Variants in LINGO2 observed in about 807,000 individuals in gnomAD.
The protein encoded by LINGO2 is leucine-rich repeat and immunoglobulin-like domain-containing nogo receptor-interacting protein 2.
Under a neutral mutation model 30.6 loss-of-function variants are expected in LINGO2, and 14 were observed. That is an observed-to-expected ratio of 0.46 (90% confidence interval 0.30 to 0.72). The LOEUF (loss-of-function observed/expected upper bound fraction) is 0.72. Ranked by LOEUF, LINGO2 falls within the 30% of genes least tolerant of loss-of-function variation. LINGO2 has a pLI of 0.07. For missense variants in LINGO2, 729 were observed against 751.7 expected (o/e 0.97, Z 0.35); for synonymous variants, 317 against 288.5 (o/e 1.10, Z -1.00).
chr9:28,004,093 A>G (rs747807432), intron 5 of LINGO2, among the ~76,000 whole-genome samples: 2 of 152,186 alleles, frequency 1.3e-5, no homozygotes, highest in Non-Finnish European at 2.9e-5. Flanking sequence ...GAGAATTATA[A>G]TTTGTACGAT....
At chr9:28,060,993 C>T (rs1008074284) in intron 4 of LINGO2, among the ~76,000 whole-genome samples, 2 of 151,990 alleles carry the variant, frequency 1.3e-5, no homozygotes, top group East Asian at 3.9e-4. Flanking sequence ...AGAGGCTTTT[C>T]TTCCTCTCCC....
chr9:28,980,486 G>A, the LINGO2 span, among the ~76,000 whole-genome samples: 3 of 152,034 alleles, frequency 2.0e-5, no homozygotes, highest in Non-Finnish European at 2.9e-5. Context: ...CACCTTCCAC[G>A]ACGTCTCTGG....
At chr9:28,424,399 C>T (rs1023352640) in intron 2 of LINGO2, among the ~76,000 whole-genome samples, 9 of 152,098 alleles carry the variant, frequency 5.9e-5, no homozygotes, top group Non-Finnish European at 1.0e-4. Context: ...ACCGAGGTAC[C>T]GTAGCCAATA....
In LINGO2 at chr9:28,613,686, G is replaced by T. The variant is rs115152055; in HGVS notation, c.-365+56514C>A. On this transcript the variant is annotated intron_variant, in intron 1 of 5. Transcript: ENST00000379992. ...AGTGGGAATATACTCACACAAGGGG[G>T]TAAGGCATAAAGTAGTATAAGAACT... is the stretch of plus-strand genomic sequence containing the variant. Among the ~76,000 whole-genome samples, 809 of 152,210 alleles carry T rather than the reference G, an allele frequency of 5.3e-3. 16 individuals carry two copies. The highest frequency in any genetic ancestry group is 0.018 in the African/African-American group (751 of 41,536).
the LINGO2 span, among the ~76,000 whole-genome samples, chr9:29,118,798 G>T: frequency 1.3e-5 from 2 of 152,130 alleles, no homozygotes; most frequent in Non-Finnish European, 2.9e-5. Flanking sequence ...GGATCCTGAA[G>T]CAGCCCATAA....
chr9:28,433,252 C>CTGT (rs756266209), intron 2 of LINGO2, among the ~76,000 whole-genome samples: 1 of 152,092 alleles, frequency 6.6e-6, no homozygotes, highest in Non-Finnish European at 1.5e-5. Flanking sequence ...AAACCCACGC[C>CTGT]TGTTATCCCT....
At chr9:28,616,959 T>A (rs1424336176) in intron 1 of LINGO2, among the ~76,000 whole-genome samples, 1 of 152,204 alleles carries the variant, frequency 6.6e-6, no homozygotes, top group Non-Finnish European at 1.5e-5. Context: ...TTTGTTTGTT[T>A]TTTTTCTTTC....
the LINGO2 span, among the ~76,000 whole-genome samples, chr9:28,678,284 C>T: frequency 6.6e-6 from 1 of 152,070 alleles, no homozygotes; most frequent in African/African-American, 2.4e-5. Context: ...AAGTTTCATT[C>T]TATTTCAAAG....
intron 1 of LINGO2, among the ~76,000 whole-genome samples, chr9:28,479,885 A>ATG (rs1564228123): frequency 8.4e-4 from 50 of 59,872 alleles, no homozygotes; most frequent in African/African-American, 2.5e-3. Flanking sequence ...GTGTGTGTGT[A>ATG]TGTGTGTATG....
intron 1 of LINGO2, among the ~76,000 whole-genome samples, chr9:28,537,202 G>A (rs1227619610): frequency 6.6e-6 from 1 of 152,070 alleles, no homozygotes; most frequent in Non-Finnish European, 1.5e-5. Flanking sequence ...GAACCAACTT[G>A]ACCAACAATG....
intron 1 of LINGO2, among the ~76,000 whole-genome samples, chr9:28,519,691 G>A (rs569353200): frequency 6.6e-6 from 1 of 152,298 alleles, no homozygotes; most frequent in South Asian, 2.1e-4. Context: ...CACATCTACA[G>A]ATCTTCATCA....
chr9:28,260,373 A>C (rs1822524033), intron 4 of LINGO2, among the ~76,000 whole-genome samples: 1 of 151,530 alleles, frequency 6.6e-6, no homozygotes, highest in Non-Finnish European at 1.5e-5. Flanking sequence ...CTCTATTCTG[A>C]TGTGTTTCGT....
At chr9:29,047,491 C>A in the LINGO2 span, among the ~76,000 whole-genome samples, 1 of 151,972 alleles carries the variant, frequency 6.6e-6, no homozygotes, top group African/African-American at 2.4e-5. Context: ...TAATAAAAGC[C>A]ATATAGGAAG....
the LINGO2 span, among the ~76,000 whole-genome samples, chr9:29,136,732 A>C: frequency 6.6e-6 from 1 of 152,214 alleles, no homozygotes; most frequent in African/African-American, 2.4e-5. Context: ...ATAGTCTTAC[A>C]TACTAATGCA....
intron 2 of LINGO2, among the ~76,000 whole-genome samples, chr9:28,390,577 A>G (rs1821786723): frequency 6.6e-6 from 1 of 151,716 alleles, no homozygotes; most frequent in East Asian, 1.9e-4. Context: ...CATAAATGAA[A>G]AAAAAAAAAG....
the LINGO2 span, among the ~76,000 whole-genome samples, chr9:29,084,190 AC>A: frequency 8.8e-6 from 1 of 114,034 alleles, no homozygotes; most frequent in Non-Finnish European, 1.8e-5. Context: ...AGATTATTCT[AC>A]AAAAAAATGT....
chr9:28,041,805 A>AT (rs1824207739), intron 4 of LINGO2, among the ~76,000 whole-genome samples: 1 of 152,178 alleles, frequency 6.6e-6, no homozygotes, highest in East Asian at 1.9e-4. Context: ...ACAACATACA[A>AT]ATTTATAGTT....
intron 3 of LINGO2, among the ~76,000 whole-genome samples, chr9:28,302,383 T>C (rs918351616): frequency 7.2e-5 from 11 of 152,318 alleles, no homozygotes; most frequent in Admixed American, 5.9e-4. Flanking sequence ...ATTTGAGATA[T>C]ACAACCCCTT....
chr9:28,569,571 T>C (rs1587882101), intron 1 of LINGO2, among the ~76,000 whole-genome samples: 1 of 143,352 alleles, frequency 7.0e-6, no homozygotes, highest in Non-Finnish European at 1.5e-5. Flanking sequence ...TGCATGAAAC[T>C]TGAAAAAGTC....
Sources: allele counts gnomAD v4.1 joint callset (sites outside exome capture counted in the v4.1 genomes callset), GRCh38; gene constraint gnomAD v4.1.1; transcripts MANE v1.5; gene names NCBI Gene and HGNC (gene_info 2026-07-23, HGNC 2026-07-21).